The following TBL1X variants were observed in gnomAD, a reference collection of about 807,000 sequenced individuals.
The protein encoded by TBL1X is transducin beta like 1 X-linked, also known as F-box-like/WD repeat-containing protein TBL1X.
Under a neutral mutation model 50.7 loss-of-function variants are expected in TBL1X, and 10 were observed. That is an observed-to-expected ratio of 0.20 (90% CI 0.12 to 0.33). TBL1X has a LOEUF of 0.33. Among genes scored for constraint, TBL1X ranks in the 10% least tolerant of loss-of-function variants. The pLI is 1.00. For synonymous variants in TBL1X, 190 were observed against 214.7 expected (o/e 0.88, Z 1.01); for missense variants, 340 against 504.4 (o/e 0.67, Z 3.12).
chrX:9,697,147 G>T (rs2083136314), intron 11 of TBL1X, among the ~76,000 whole-genome samples: 1 of 112,345 alleles, frequency 8.9e-6, no homozygotes, highest in Non-Finnish European at 1.9e-5. Flanking sequence ...TTGGGGGCAT[G>T]TTGGAGTTAA....
At chrX:9,633,982 G>A (rs183875638) in intron 2 of TBL1X, among the ~76,000 whole-genome samples, 1 of 111,464 alleles carries the variant, frequency 9.0e-6, no homozygotes, top group African/African-American at 3.3e-5. Context: ...GCCCAGAGCT[G>A]GGAGGAAATC....
At chrX:9,684,530 T>C (rs1167785119) in intron 6 of TBL1X, among the ~76,000 whole-genome samples, 1 of 98,611 alleles carries the variant, frequency 1.0e-5, no homozygotes, top group African/African-American at 3.9e-5. Context: ...AGGTTGAGGC[T>C]GCAGTAAGCT....
chrX:9,614,529 C>G (rs764790141), intron 2 of TBL1X, among the ~76,000 whole-genome samples: 1 of 111,559 alleles, frequency 9.0e-6, no homozygotes, highest in East Asian at 2.8e-4. Context: ...CCACTGCACT[C>G]TAGCCTGGGA....
At chrX:9,491,115 G>A (rs764771954) in intron 1 of TBL1X, among the ~76,000 whole-genome samples, 3 of 106,348 alleles carry the variant, frequency 2.8e-5, no homozygotes, top group African/African-American at 1.0e-4. Context: ...AGTAGCTTGG[G>A]ACTATAGGTG....
intron 2 of TBL1X, among the ~76,000 whole-genome samples, chrX:9,598,758 C>T (rs2082538420): frequency 9.0e-6 from 1 of 111,211 alleles, no homozygotes; most frequent in African/African-American, 3.3e-5. Context: ...CTCCTGAGGG[C>T]TTGAGGCAGG....
At chrX:9,495,133 C>T (rs893029847) in intron 1 of TBL1X, among the ~76,000 whole-genome samples, 3 of 111,104 alleles carry the variant, frequency 2.7e-5, no homozygotes, top group African/African-American at 9.8e-5. Context: ...TTCTCTTTGG[C>T]CCTGGCTTTT....
chrX:9,512,733 A>G (rs1484426766), intron 2 of TBL1X, among the ~76,000 whole-genome samples: 1 of 111,252 alleles, frequency 9.0e-6, no homozygotes, highest in Non-Finnish European at 1.9e-5. Context: ...TCCTGACCTC[A>G]GGTGATCCTC....
intron 2 of TBL1X, among the ~76,000 whole-genome samples, chrX:9,516,039 T>C (rs2082079421): frequency 9.0e-6 from 1 of 111,514 alleles, no homozygotes; most frequent in Admixed American, 9.6e-5. Flanking sequence ...GCAGGACCAC[T>C]GTTTTTGTAC....
intron 2 of TBL1X, among the ~76,000 whole-genome samples, chrX:9,577,698 G>T (rs1033893277): frequency 8.9e-6 from 1 of 111,942 alleles, no homozygotes; most frequent in Non-Finnish European, 1.9e-5. Context: ...CCGAAGACCA[G>T]CAGTCCTAAG....
intron 2 of TBL1X, among the ~76,000 whole-genome samples, chrX:9,523,230 T>C (rs775528790): frequency 8.9e-6 from 1 of 112,114 alleles, no homozygotes; most frequent in Non-Finnish European, 1.9e-5. Context: ...TTCACCCTGA[T>C]CACCGCATGC....
At chrX:9,710,006 C>T (rs1420204572) in intron 15 of TBL1X, among the ~76,000 whole-genome samples, 1 of 111,751 alleles carries the variant, frequency 8.9e-6, no homozygotes, top group African/African-American at 3.3e-5. Context: ...AGGACGATGG[C>T]TTGAGCCCAA....
intron 3 of TBL1X, among the ~76,000 whole-genome samples, chrX:9,641,363 C>T (rs1057146979): frequency 1.8e-5 from 2 of 111,594 alleles, no homozygotes; most frequent in African/African-American, 6.5e-5. Context: ...CCTTTCGGTA[C>T]GTGTGATTTT....
chrX:9,552,376 T>C (rs983578646), intron 2 of TBL1X, among the ~76,000 whole-genome samples: 2 of 111,172 alleles, frequency 1.8e-5, no homozygotes, highest in Non-Finnish European at 3.8e-5. Context: ...GAAATAAGAG[T>C]ATAAATTGCA....
intron 12 of TBL1X, among the ~76,000 whole-genome samples, chrX:9,702,932 G>A (rs969555895): frequency 3.6e-5 from 4 of 111,582 alleles, no homozygotes; most frequent in South Asian, 7.5e-4. Context: ...CATGGGAAGC[G>A]CAGGGTTACG....
At chrX:9,494,579 A>AC (rs2081962509) in intron 1 of TBL1X, among the ~76,000 whole-genome samples, 2 of 112,152 alleles carry the variant, frequency 1.8e-5, no homozygotes, top group Admixed American at 1.9e-4. Context: ...TTCAAAAAAA[A>AC]AGTTTTTTTA....
chrX:9,542,082 T>A, intron 2 of TBL1X, among the ~76,000 whole-genome samples: 1 of 111,307 alleles, frequency 9.0e-6, no homozygotes, highest in East Asian at 2.8e-4. Flanking sequence ...GTTGTAGCGA[T>A]TTACAAGTTG....
intron 2 of TBL1X, among the ~76,000 whole-genome samples, chrX:9,599,270 A>G (rs996051122): frequency 6.3e-5 from 7 of 111,678 alleles, no homozygotes; most frequent in African/African-American, 2.3e-4. Flanking sequence ...TAAGGACTCC[A>G]GTCACATTGG....
At chrX:9,665,611 A>C (rs760899029) in intron 5 of TBL1X, among the ~76,000 whole-genome samples, 14 of 91,130 alleles carry the variant, frequency 1.5e-4, no homozygotes, top group African/African-American at 5.3e-4. Context: ...CTTCTTAGTC[A>C]GCTGAATTAT....
At chrX:9,621,302 C>T (rs1426059105) in intron 2 of TBL1X, among the ~76,000 whole-genome samples, 1 of 111,981 alleles carries the variant, frequency 8.9e-6, no homozygotes, top group Non-Finnish European at 1.9e-5. Context: ...AGATGCCTTT[C>T]AGAAACTCAG....
Sources: allele counts gnomAD v4.1 joint callset (sites outside exome capture counted in the v4.1 genomes callset), GRCh38; gene constraint gnomAD v4.1.1; transcripts MANE v1.5; gene names NCBI Gene and HGNC (gene_info 2026-07-23, HGNC 2026-07-21).